METTL24: variants seen among roughly 807,000 people sequenced by gnomAD.
METTL24 encodes probable methyltransferase-like protein 24.
In METTL24, 29 loss-of-function variants were observed where a neutral mutation model predicts 32.7. The observed-to-expected ratio is 0.89, with a 90% confidence interval of 0.66 to 1.21. METTL24 has a LOEUF of 1.21. Ranked by LOEUF, METTL24 falls within the 50% of genes most tolerant of loss-of-function variation. The pLI is 0.00. For synonymous variants in METTL24, 163 were observed against 179.5 expected, an observed-to-expected ratio of 0.91 and a Z score of 0.73; for missense variants, 439 against 468.1, an observed-to-expected ratio of 0.94 and a Z score of 0.57.
At chr6:110,266,993 C>T (rs1186928451) in intron 4 of METTL24, among the ~76,000 whole-genome samples, 1 of 151,798 alleles carries the variant, frequency 6.6e-6, no homozygotes, top group African/African-American at 2.4e-5. Flanking sequence ...ATAATTGGGG[C>T]AGATCCAGAT....
chr6:110,302,628 CAT>C (rs1261063951), intron 3 of METTL24, among the ~76,000 whole-genome samples: 1 of 128,970 alleles, frequency 7.8e-6, no homozygotes, highest in African/African-American at 3.8e-5. Flanking sequence ...TATATATACA[CAT>C]ATACACACAC....
At chr6:110,302,568 C>CACACACACGTGTATATATACACAT (rs1562230951) in intron 3 of METTL24, among the ~76,000 whole-genome samples, 1 of 95,948 alleles carries the variant, frequency 1.0e-5, no homozygotes, top group African/African-American at 6.5e-5. Context: ...TATATACACA[C>CACACACACGTGTATATATACACAT]ATACACACAC....
intron 4 of METTL24, among the ~76,000 whole-genome samples, chr6:110,249,434 G>GGGTGGTGCCCCCT (rs1554210574): frequency 0.011 from 1,613 of 151,648 alleles, 25 homozygotes; most frequent in Middle Eastern, 0.017. Context: ...ATGCAGCCCA[G>GGGTGGTGCCCCCT]GGGGAGCACA....
At chr6:110,313,771 A>G (rs1303903580) in intron 3 of METTL24, among the ~76,000 whole-genome samples, 2 of 152,140 alleles carry the variant, frequency 1.3e-5, no homozygotes, top group African/African-American at 4.8e-5. Flanking sequence ...CAATTGGCTG[A>G]GCATCTCATC....
At chr6:110,316,798 G>T (rs1276111850) in intron 2 of METTL24, among the ~76,000 whole-genome samples, 1 of 152,032 alleles carries the variant, frequency 6.6e-6, no homozygotes, top group Non-Finnish European at 1.5e-5. Context: ...CAGGGGGGTT[G>T]ATTAATTGAG....
intron 4 of METTL24, chr6:110,253,855 A>G: frequency 7.1e-7 from 1 of 1,409,518 alleles, no homozygotes; most frequent in Non-Finnish European, 9.3e-7. Context: ...CATGTCAATA[A>G]ATTTTCCTCT....
intron 1 of METTL24, among the ~76,000 whole-genome samples, chr6:110,348,062 A>C (rs755961531): frequency 3.3e-5 from 5 of 152,192 alleles, no homozygotes; most frequent in Admixed American, 2.0e-4. Flanking sequence ...ACATCGATAC[A>C]TTTTTGGTAC....
chr6:110,352,970 C>T (rs905764622), intron 1 of METTL24, among the ~76,000 whole-genome samples: 1 of 152,168 alleles, frequency 6.6e-6, no homozygotes, highest in Non-Finnish European at 1.5e-5. Flanking sequence ...ACAAATTACA[C>T]ACAAAAAGCT....
intron 3 of METTL24, among the ~76,000 whole-genome samples, chr6:110,306,627 C>A (rs1279820011): frequency 6.6e-6 from 1 of 151,978 alleles, no homozygotes; most frequent in Non-Finnish European, 1.5e-5. Context: ...TAAACATGTA[C>A]CACATTGGAA....
chr6:110,325,786 T>C (rs995674987), intron 1 of METTL24, among the ~76,000 whole-genome samples: 1 of 152,204 alleles, frequency 6.6e-6, no homozygotes, highest in Non-Finnish European at 1.5e-5. Flanking sequence ...AAAGTTCTGC[T>C]AGCTGGCTTC....
chr6:110,335,945 A>G (rs1304849017), intron 1 of METTL24, among the ~76,000 whole-genome samples: 1 of 152,128 alleles, frequency 6.6e-6, no homozygotes, highest in Non-Finnish European at 1.5e-5. Flanking sequence ...TATCGTCCCC[A>G]AAGCTAGTTG....
In METTL24 at chr6:110,299,030, G is replaced by A. The variant is rs1201305465; in HGVS notation, c.678C>T (p.His226=). 10 of 1,614,216 alleles carry A rather than the reference G, an allele frequency of 6.2e-6. No individual in the cohort carries two copies. In the East Asian group the frequency reaches 2.0e-4, roughly 32 times the overall value. ...GATCCCGCCAGTCAATGGACAAGCGGTGATACCAAAGGTGCTGACTCTCCA... is the reference window on the plus strand; with the variant it reads ...GATCCCGCCAGTCAATGGACAAGCGATGATACCAAAGGTGCTGACTCTCCA... ...HILESQHLWY[H]RLSIDWRDPH... Residue 226 remains histidine, a synonymous_variant, in exon 4 of 5, where the codon CAC becomes CAT. Coordinates refer to ENST00000338882, the MANE Select transcript of METTL24 (RefSeq NM_001123364.3).
intron 4 of METTL24, among the ~76,000 whole-genome samples, chr6:110,288,266 T>C (rs1028940571): frequency 6.6e-6 from 1 of 152,116 alleles, no homozygotes; most frequent in Non-Finnish European, 1.5e-5. Context: ...AAAGTACAGC[T>C]TCCCAGCCAG....
At chr6:110,317,838 T>C (rs963063165) in intron 2 of METTL24, among the ~76,000 whole-genome samples, 1 of 151,706 alleles carries the variant, frequency 6.6e-6, no homozygotes, top group African/African-American at 2.4e-5. Flanking sequence ...TTCCTGGGCC[T>C]CCCTCCAGAT....
rs983441152 is a variant in METTL24, at chr6:110,306,406, G to A, written c.558-7256C>T. ...ATTTTAGCCATTAATTTCCAGAGATGATCATGTTTAGCAGTTTTTTATATA... is the reference window on the plus strand; with the variant it reads ...ATTTTAGCCATTAATTTCCAGAGATAATCATGTTTAGCAGTTTTTTATATA... On this transcript the variant is annotated intron_variant, in intron 3 of 4. Coordinates refer to ENST00000338882, the MANE Select transcript of METTL24 (RefSeq NM_001123364.3). Among the ~76,000 whole-genome samples, 4 of 151,754 alleles carry A rather than the reference G, an allele frequency of 2.6e-5. No individual in the cohort carries two copies. The East Asian group carries it at 7.7e-4, about 29-fold the overall frequency.
intron 4 of METTL24, among the ~76,000 whole-genome samples, chr6:110,271,012 C>CTATTTT (rs2114708893): frequency 6.6e-6 from 1 of 151,216 alleles, no homozygotes; most frequent in East Asian, 2.0e-4. Flanking sequence ...TAATTATTTT[C>CTATTTT]TATTTTTCTT....
At chr6:110,303,480 G>C (rs1239501173) in intron 3 of METTL24, among the ~76,000 whole-genome samples, 1 of 152,204 alleles carries the variant, frequency 6.6e-6, no homozygotes, top group African/African-American at 2.4e-5. Flanking sequence ...TTGGTGTGGG[G>C]AGGGGCGTCT....
intron 3 of METTL24, among the ~76,000 whole-genome samples, chr6:110,314,355 A>G (rs573993506): frequency 6.6e-6 from 1 of 152,274 alleles, no homozygotes; most frequent in Non-Finnish European, 1.5e-5. Flanking sequence ...TTTAAGCCAT[A>G]TATCATTCGT....
intron 3 of METTL24, among the ~76,000 whole-genome samples, chr6:110,309,866 AAAAACAAAACAAAAC>A (rs543763659): frequency 3.3e-5 from 5 of 152,026 alleles, no homozygotes; most frequent in Non-Finnish European, 5.9e-5. Flanking sequence ...TAGGAGCAAA[AAAAACAAAACAAAAC>A]AAAACAAAAC....
Sources: allele counts gnomAD v4.1 joint callset (sites outside exome capture counted in the v4.1 genomes callset), GRCh38; gene constraint gnomAD v4.1.1; transcripts MANE v1.5; gene names NCBI Gene and HGNC (gene_info 2026-07-23, HGNC 2026-07-21).